Variants in KAT6A observed in about 807,000 individuals in gnomAD.
The protein encoded by KAT6A is histone acetyltransferase KAT6A.
A neutral mutation model predicts 198.4 loss-of-function variants in KAT6A; 9 were observed. That is an observed-to-expected ratio of 0.05 (90% CI 0.03 to 0.08). The LOEUF (loss-of-function observed/expected upper bound fraction) is 0.08. KAT6A is among the 10% of genes least tolerant of loss of function. KAT6A has a pLI of 1.00. For missense variants in KAT6A, 2,077 were observed against 2,509.9 expected (o/e 0.83, Z 3.69); for synonymous variants, 890 against 883.0 (o/e 1.01, Z -0.14).
At position 41,974,778 on chromosome 8, in the gene KAT6A, G is replaced by C. The variant is rs1823966145; in HGVS notation, c.1408C>G (p.Leu470Val). ...WDGKQENEER[L>V]FGSQEIMTEK... ...GTCATGATTTCCTGGCTCCCAAAAAGTCGCTCCTCATTTTCTTGTTTGCCA... is the reference window on the plus strand; with the variant it reads ...GTCATGATTTCCTGGCTCCCAAAAACTCGCTCCTCATTTTCTTGTTTGCCA... Residue 470 changes from leucine to valine, a missense_variant, in exon 8 of 17, where the codon CTT becomes GTT. Coordinates refer to ENST00000265713, the MANE Select transcript of KAT6A (RefSeq NM_006766.5). 6.2e-7 allele frequency: 1 copy of C among 1,609,864 alleles called. No homozygotes were observed. Among genetic ancestry groups the C allele is most frequent in the African/African-American group, 1.3e-5 (1 of 74,796 alleles).
chr8:41,985,706 A>G (rs550981587), intron 3 of KAT6A, among the ~76,000 whole-genome samples: 1 of 152,316 alleles, frequency 6.6e-6, no homozygotes, highest in Non-Finnish European at 1.5e-5. Flanking sequence ...GTGACCCCAG[A>G]GTCAGTCCTT....
intron 2 of KAT6A, among the ~76,000 whole-genome samples, chr8:42,018,458 G>A (rs898738637): frequency 1.3e-5 from 2 of 152,218 alleles, no homozygotes; most frequent in East Asian, 3.8e-4. Flanking sequence ...GCTGCAGTAA[G>A]CCGAGATTGT....
intron 2 of KAT6A, among the ~76,000 whole-genome samples, chr8:42,009,666 AG>A (rs1587819673): frequency 6.6e-6 from 1 of 151,798 alleles, no homozygotes; most frequent in East Asian, 1.9e-4. Context: ...GGGGAGGCTG[AG>A]GTGGGAGGGT....
chr8:41,981,348 G>A (rs1369700514), intron 4 of KAT6A, among the ~76,000 whole-genome samples: 5 of 152,110 alleles, frequency 3.3e-5, no homozygotes, highest in Non-Finnish European at 7.4e-5. Flanking sequence ...AGAGATGAGT[G>A]ACCATAATAT....
At chr8:41,951,904 T>C (rs376969833) in intron 9 of KAT6A, among the ~76,000 whole-genome samples, 20 of 152,334 alleles carry the variant, frequency 1.3e-4, no homozygotes, top group African/African-American at 3.4e-4. Flanking sequence ...ACATGCTACA[T>C]GGAGCAGCGT....
chr8:41,988,449 T>A (rs1824738736), intron 2 of KAT6A, among the ~76,000 whole-genome samples: 1 of 152,238 alleles, frequency 6.6e-6, no homozygotes, highest in South Asian at 2.1e-4. Flanking sequence ...TAAATTTTTT[T>A]AAAATTGGAC....
Position 41,932,543 on chromosome 8 carries a change from C to G in KAT6A, c.5677G>C (p.Val1893Leu). 1.9e-6 allele frequency: 3 copies of G among 1,614,268 alleles called. No homozygotes were observed. The highest frequency in any genetic ancestry group is 1.6e-4 in the Middle Eastern group (1 of 6,062). The change falls in exon 17 of 17, where the codon GTT becomes CTT. Residue 1893 changes from valine (V) to leucine (L), a missense_variant. Val to Leu is a conservative substitution (Grantham distance 32). This residue lies in a region of KAT6A where 500 missense variants were observed against 577.2 expected (regional missense o/e 0.87). Transcript: ENST00000265713. ...ACCCCCATGTTCATGCCACGCTGAA[C>G]AGCCAGTGCGCGAGGGCCAGCCTGC... Reference protein sequence around the residue: ...AMQAGPRALAVQRGMNMGVNL... With the variant: ...AMQAGPRALALQRGMNMGVNL...
At chr8:41,943,155 G>T (rs890931550) in intron 13 of KAT6A, among the ~76,000 whole-genome samples, 155 bp from the exon 14 acceptor site, 2 of 152,228 alleles carry the variant, frequency 1.3e-5, no homozygotes, top group Non-Finnish European at 2.9e-5. Flanking sequence ...GCCACCACAT[G>T]AGACGGCCAG....
chr8:41,946,815 AAAC>A (rs1378893373), intron 11 of KAT6A, 131 bp from the exon 12 acceptor site: 2 of 620,600 alleles, frequency 3.2e-6, no homozygotes, highest in African/African-American at 1.9e-5. Flanking sequence ...GTACATCAAC[AAAC>A]AACTACCCAG....
intron 2 of KAT6A, among the ~76,000 whole-genome samples, chr8:42,045,016 T>C (rs536914029): frequency 7.9e-5 from 12 of 152,220 alleles, no homozygotes; most frequent in Non-Finnish European, 7.3e-5. Context: ...CATAATCTGT[T>C]CAAAGGAATA....
At chr8:41,980,438 C>T (rs924130068) in intron 5 of KAT6A, among the ~76,000 whole-genome samples, 1 of 151,740 alleles carries the variant, frequency 6.6e-6, no homozygotes, top group Non-Finnish European at 1.5e-5. Context: ...TTGAATAAAC[C>T]ATATCTCTAT....
chr8:42,050,790 G>A (rs933264780), intron 1 of KAT6A, among the ~76,000 whole-genome samples: 1 of 152,110 alleles, frequency 6.6e-6, no homozygotes, highest in Non-Finnish European at 1.5e-5. Flanking sequence ...AGCTTCGCAG[G>A]TAAAAGAATG....
intron 2 of KAT6A, among the ~76,000 whole-genome samples, chr8:42,004,833 C>T (rs1164592691): frequency 6.6e-6 from 1 of 151,818 alleles, no homozygotes; most frequent in Non-Finnish European, 1.5e-5. Flanking sequence ...GAGGCTAAGG[C>T]AGGAGAATCA....
chr8:42,001,862 G>C (rs943688864), intron 2 of KAT6A, among the ~76,000 whole-genome samples: 1 of 152,190 alleles, frequency 6.6e-6, no homozygotes, highest in South Asian at 2.1e-4. Context: ...GAGCATCTTA[G>C]AGTTCTAGGT....
rs774785881 is a variant in KAT6A, at chr8:42,048,533, A to C, written c.445T>G (p.Leu149Val). Residue 149 changes from leucine to valine, a missense_variant, in exon 2 of 17, where the codon TTG becomes GTG. By Grantham distance (32) the Leu-to-Val change is conservative. This residue lies in a region of KAT6A where 185 missense variants were observed against 185.7 expected (regional missense o/e 1.00). Coordinates refer to ENST00000265713, the MANE Select transcript of KAT6A (RefSeq NM_006766.5). ...AASGFHQQLR[L>V]AIKRAIGHGR... ...TGGCCAATGGCACGTTTGATAGCCA[A>C]TCGTAACTGCTGGTGAAAGCCAGAG... 6.2e-7 allele frequency: 1 copy of C among 1,614,174 alleles called. No homozygotes were observed. The highest frequency in any genetic ancestry group is 8.5e-7 in the Non-Finnish European group (1 of 1,180,028).
At chr8:41,948,900 C>CACA (rs1822528682) in intron 10 of KAT6A, among the ~76,000 whole-genome samples, 1 of 125,992 alleles carries the variant, frequency 7.9e-6, no homozygotes, top group African/African-American at 3.5e-5. Flanking sequence ...GCAGAGGTCA[C>CACA]ACATCATCAT....
chr8:41,977,361 A>T (rs947597088), intron 6 of KAT6A, 34 bp from the exon 7 acceptor site: 1 of 1,494,012 alleles, frequency 6.7e-7, no homozygotes, highest in Middle Eastern at 1.8e-4. Flanking sequence ...GGTAAGTATT[A>T]AAAAAGATAC....
chr8:41,995,404 T>G (rs1268818746), intron 2 of KAT6A, among the ~76,000 whole-genome samples: 1 of 152,150 alleles, frequency 6.6e-6, no homozygotes, highest in Non-Finnish European at 1.5e-5. Flanking sequence ...CTACATCTCC[T>G]TTAAGCACCC....
intron 2 of KAT6A, among the ~76,000 whole-genome samples, chr8:41,988,290 G>A (rs1235916170): frequency 6.6e-6 from 1 of 151,502 alleles, no homozygotes; most frequent in East Asian, 1.9e-4. Flanking sequence ...TAAGGGAGGG[G>A]AAAAAAAATA....
Sources: gnomAD v4.1 joint callset for allele counts (sites outside exome capture counted in the v4.1 genomes callset) on GRCh38, gnomAD v4.1.1 for gene constraint, gnomAD v4.1.1 regional missense constraint, MANE v1.5 for transcripts, NCBI Gene and HGNC (gene_info 2026-07-23, HGNC 2026-07-21) for gene names.